The following ZDHHC23 variants were observed in gnomAD, a reference collection of about 807,000 sequenced individuals.
ZDHHC23 encodes the protein palmitoyltransferase ZDHHC23.
A neutral mutation model predicts 40.2 loss-of-function variants in ZDHHC23; 41 were observed. That is an observed-to-expected ratio of 1.02 (90% confidence interval 0.79 to 1.32). ZDHHC23 has a LOEUF of 1.32. Among genes scored for constraint, ZDHHC23 ranks in the 40% most tolerant of loss-of-function variants. The pLI is 0.00. For synonymous variants in ZDHHC23, 204 were observed against 210.2 expected, an observed-to-expected ratio of 0.97 and a Z score of 0.26; for missense variants, 471 against 541.5, an observed-to-expected ratio of 0.87 and a Z score of 1.29.
intron 2 of ZDHHC23, 109 bp from the exon 3 acceptor site, chr3:113,953,591 T>G: frequency 2.1e-6 from 2 of 944,438 alleles, no homozygotes; most frequent in Non-Finnish European, 3.1e-6. Flanking sequence ...AAATGCTTGG[T>G]CTTTGGTAGC....
At chr3:113,966,395 G>C (rs1246185302), downstream of ZDHHC23, among the ~76,000 whole-genome samples, 1 of 152,152 alleles carries the variant, frequency 6.6e-6, no homozygotes, top group Non-Finnish European at 1.5e-5. Flanking sequence ...GTCTGCCCCG[G>C]GAGAGGCTGA....
rs1460541976 is a variant in ZDHHC23 at position 113,958,956 on chromosome 3, G to A, written c.*326G>A. 1.7e-6 allele frequency: 2 copies of A among 1,198,098 alleles called. No individual in the cohort carries two copies. The highest frequency in any genetic ancestry group is 1.1e-4 in the East Asian group (2 of 17,444). The allele number at this position is 1,198,098 out of a possible 1,614,324, so 74.2% of individuals were successfully genotyped here. ...CATTAGTATGGAGGAAAGAGTGTTGGATTAGGATAGTTTCTAGTCCCTCTT... is the reference window on the plus strand; with the variant it reads ...CATTAGTATGGAGGAAAGAGTGTTGAATTAGGATAGTTTCTAGTCCCTCTT... On this transcript the variant is annotated 3_prime_UTR_variant, in exon 5 of 5. Coordinates refer to ENST00000638807, the MANE Select transcript of ZDHHC23 (RefSeq NM_001320466.2).
downstream of ZDHHC23, among the ~76,000 whole-genome samples, chr3:113,968,377 A>G (rs1273141333): frequency 2.0e-5 from 3 of 152,082 alleles, no homozygotes; most frequent in Non-Finnish European, 4.4e-5. Context: ...TTTCTCTGAT[A>G]ATTAGTGATG....
downstream of ZDHHC23, among the ~76,000 whole-genome samples, chr3:113,963,586 A>AC (rs1939844636): frequency 6.7e-6 from 1 of 150,314 alleles, no homozygotes; most frequent in Non-Finnish European, 1.5e-5. Flanking sequence ...AAAAAAAAAA[A>AC]AAAAAAAAAA....
At chr3:113,965,407 C>G (rs1257379171), downstream of ZDHHC23, 18 of 1,221,698 alleles carry the variant, frequency 1.5e-5, no homozygotes, top group Non-Finnish European at 1.8e-5. Flanking sequence ...AAAAAGTTGG[C>G]TTTCCATCTA....
downstream of ZDHHC23, among the ~76,000 whole-genome samples, chr3:113,969,362 AG>A (rs1374564237): frequency 2.0e-5 from 3 of 152,126 alleles, no homozygotes; most frequent in African/African-American, 7.2e-5. Context: ...ATGTAATCCC[AG>A]TTGTCTATTT....
chr3:113,979,042 C>T, the ZDHHC23 span: 1 of 1,593,356 alleles, frequency 6.3e-7, no homozygotes, highest in East Asian at 2.3e-5. Flanking sequence ...AAATATTATT[C>T]CTTAAATTTT....
chr3:113,970,717 G>GC, the ZDHHC23 span, among the ~76,000 whole-genome samples: 5 of 147,616 alleles, frequency 3.4e-5, no homozygotes, highest in African/African-American at 1.2e-4. Context: ...ATCCCTCCCC[G>GC]TCCCCCCACC....
At position 113,958,361 on chromosome 3, in the gene ZDHHC23, A is replaced by G. The variant is rs1309322228; in HGVS notation, c.1041-2A>G. 1 of 1,605,266 alleles carries G rather than the reference A, an allele frequency of 6.2e-7. No individual in the cohort carries two copies. The highest frequency in any genetic ancestry group is 8.5e-7 in the Non-Finnish European group (1 of 1,173,018). ...CCCTGACAGCCTTTTTCCCTCTCCTAGCTCGGCTCTGTCCTTCACCTGCGT... is the reference window on the plus strand; with the variant it reads ...CCCTGACAGCCTTTTTCCCTCTCCTGGCTCGGCTCTGTCCTTCACCTGCGT... On this transcript the variant is annotated splice_acceptor_variant, in intron 4 of 4. Transcript: ENST00000638807. LOFTEE classifies it high-confidence loss of function.
In ZDHHC23 at chr3:113,958,344, G is replaced by A; in HGVS notation, c.1041-19G>A. The A allele has an allele frequency of 6.3e-7, 1 of 1,588,158 alleles. No individual in the cohort carries two copies. Among genetic ancestry groups the A allele is most frequent in the Non-Finnish European group, 8.6e-7 (1 of 1,162,766 alleles). On this transcript the variant is annotated intron_variant, in intron 4 of 4. Transcript: ENST00000638807. ...TTTGACAAAAACGGCAGCCCTGACAGCCTTTTTCCCTCTCCTAGCTCGGCT... is the reference window on the plus strand; with the variant it reads ...TTTGACAAAAACGGCAGCCCTGACAACCTTTTTCCCTCTCCTAGCTCGGCT...
chr3:113,953,924 A>G lies in ZDHHC23; in HGVS notation c.386A>G (p.Tyr129Cys), dbSNP rs956481358. Residue 129 changes from tyrosine (Y) to cysteine (C), a missense_variant, in exon 3 of 5, where the codon TAC becomes TGC. Physicochemically the swap from Tyr to Cys is radical, Grantham distance 194. Around this residue, in one of 3 missense-constraint regions of ZDHHC23, gnomAD observed 346 missense variants for 399.8 expected, o/e 0.87. Transcript: ENST00000638807. ...CCTGTGCTGGCACTGTGGTACTACT[A>G]CCTCACTCACAGAAGGAAAGAACAG... ...SLPVLALWYY[Y>C]LTHRRKEQTL... The G allele has an allele frequency of 1.9e-6, 3 of 1,613,666 alleles. No homozygotes were observed. Among genetic ancestry groups the G allele is most frequent in the Non-Finnish European group, 2.5e-6 (3 of 1,179,974 alleles).
the ZDHHC23 span, among the ~76,000 whole-genome samples, chr3:113,970,690 G>C: frequency 6.6e-6 from 1 of 151,986 alleles, no homozygotes; most frequent in Non-Finnish European, 1.5e-5. Context: ...TTAACATTAG[G>C]TATATCTCCT....
At chr3:113,969,107 A>T (rs932740390), downstream of ZDHHC23, among the ~76,000 whole-genome samples, 2 of 152,218 alleles carry the variant, frequency 1.3e-5, no homozygotes, top group African/African-American at 4.8e-5. Context: ...CGTAACTAAT[A>T]GAGTGAGAAT....
rs1275410048 is a variant in ZDHHC23, at chr3:113,948,662, CTCTT to C, written c.-117-23_-117-20del. 1.6e-5 allele frequency: 16 copies of C among 988,034 alleles called. No individual in the cohort carries two copies. In the East Asian group the frequency reaches 2.0e-4, roughly 13 times the overall value. 61.2% of individuals were successfully genotyped at this position (988,034 alleles called of 1,614,324 possible). ...TGAAAACGGGACCCCCTCCCCCTCT[CTCTT>C]CTCATTTTTGATTGCTCAGGCGTTG... On this transcript the variant is annotated intron_variant, in intron 1 of 4. Coordinates refer to ENST00000638807, the MANE Select transcript of ZDHHC23 (RefSeq NM_001320466.2).
the ZDHHC23 span, among the ~76,000 whole-genome samples, chr3:113,979,418 A>G: frequency 1.3e-5 from 2 of 152,228 alleles, no homozygotes; most frequent in East Asian, 3.8e-4. Context: ...GGAAATGCCA[A>G]TACTTTCAAT....
the ZDHHC23 span, among the ~76,000 whole-genome samples, chr3:113,976,277 AAAC>A: frequency 1.3e-5 from 2 of 152,010 alleles, no homozygotes; most frequent in Admixed American, 6.6e-5. Flanking sequence ...AAAAAAAACA[AAAC>A]AAAACACAAA....
At chr3:113,948,477 C>G in intron 1 of ZDHHC23, 1 of 276,080 alleles carries the variant, frequency 3.6e-6, no homozygotes, top group East Asian at 7.0e-5. Flanking sequence ...GCGCAACCGC[C>G]CGCGCCCCGG....
intron 2 of ZDHHC23, among the ~76,000 whole-genome samples, chr3:113,953,306 T>A (rs879801708): frequency 6.6e-6 from 1 of 152,222 alleles, no homozygotes; most frequent in Non-Finnish European, 1.5e-5. Flanking sequence ...CTCCTTATAA[T>A]GTTTGATCAC....
the ZDHHC23 span, chr3:113,978,051 A>G: frequency 1.1e-6 from 1 of 878,348 alleles, no homozygotes; most frequent in Admixed American, 2.3e-5. Flanking sequence ...GTGAGCCGGG[A>G]CTCCCACCCC....
Sources: allele counts gnomAD v4.1 joint callset (sites outside exome capture counted in the v4.1 genomes callset), GRCh38; gene constraint gnomAD v4.1.1; regional missense constraint gnomAD v4.1.1; transcripts MANE v1.5; gene names NCBI Gene and HGNC (gene_info 2026-07-23, HGNC 2026-07-21).